The following CHUK variants were observed in gnomAD, a reference collection of about 807,000 sequenced individuals.
CHUK encodes component of inhibitor of nuclear factor kappa B kinase complex.
A neutral mutation model predicts 104.8 loss-of-function variants in CHUK; 35 were observed. The ratio of observed to expected loss-of-function variants is 0.33; its 90% CI spans 0.26 to 0.44. The LOEUF (loss-of-function observed/expected upper bound fraction) is 0.44. Ranked by LOEUF, CHUK falls within the 20% of genes least tolerant of loss-of-function variation. The probability of loss-of-function intolerance (pLI) is 1.00; values close to 1 mark genes in which losing one functional copy is unlikely to be tolerated. For synonymous variants in CHUK, 276 were observed against 291.9 expected (o/e 0.95, Z 0.56); for missense variants, 663 against 902.7 (o/e 0.73, Z 3.40).
At chr10:100,196,285 T>A (rs1263066501) in intron 16 of CHUK, among the ~76,000 whole-genome samples, 1 of 152,120 alleles carries the variant, frequency 6.6e-6, no homozygotes, top group Non-Finnish European at 1.5e-5. Context: ...ATCTGCTCTA[T>A]CAGTTCCTGT....
In CHUK at chr10:100,219,255, CAA is replaced by C. The variant is rs749855441; in HGVS notation, c.564+13_564+14del. 1.3e-6 allele frequency: 2 copies of C among 1,574,258 alleles called. No individual in the cohort carries two copies. Among genetic ancestry groups the C allele is most frequent in the South Asian group, 2.2e-5 (2 of 90,300 alleles). On this transcript the variant is annotated intron_variant, in intron 6 of 20. Coordinates refer to ENST00000370397, the MANE Select transcript of CHUK (RefSeq NM_001278.5). ...CTATACACACTTAAATTCAAAGAAA[CAA>C]AACAGGTCTCACCAGATACTGCAGT...
intron 9 of CHUK, among the ~76,000 whole-genome samples, chr10:100,212,055 G>A (rs866455612): frequency 3.3e-5 from 5 of 151,920 alleles, no homozygotes; most frequent in South Asian, 4.2e-4. Flanking sequence ...GCTAATTTTT[G>A]TAATTTTAGT....
intron 8 of CHUK, 84 bp from the exon 9 acceptor site, chr10:100,218,214 T>C (rs1845904990): frequency 8.0e-7 from 1 of 1,250,390 alleles, no homozygotes; most frequent in South Asian, 1.2e-5. Flanking sequence ...ATTTTGCAGG[T>C]TGTCCATTTT....
chr10:100,209,391 A>G (rs1212581758), intron 10 of CHUK, among the ~76,000 whole-genome samples: 4 of 152,292 alleles, frequency 2.6e-5, no homozygotes, highest in Non-Finnish European at 2.9e-5. Context: ...GGCACCAAAG[A>G]AAAAGTCTTG....
chr10:100,213,534 G>C (rs1845784040), intron 9 of CHUK, among the ~76,000 whole-genome samples: 1 of 151,538 alleles, frequency 6.6e-6, no homozygotes, highest in Non-Finnish European at 1.5e-5. Flanking sequence ...TTGTTTGTTT[G>C]TTTTTGAGAC....
rs747440857 is a variant in CHUK at position 100,229,539 on chromosome 10, G to A, written c.-7C>T. 2 of 1,525,738 alleles carry A rather than the reference G, an allele frequency of 1.3e-6. No individual in the cohort carries two copies. Among genetic ancestry groups the A allele is most frequent in the African/African-American group, 1.4e-5 (1 of 72,734 alleles). The allele number at this position is 1,525,738 out of a possible 1,614,324, so 94.5% of individuals were successfully genotyped here. On this transcript the variant is annotated 5_prime_UTR_variant, in exon 1 of 21. Coordinates refer to ENST00000370397, the MANE Select transcript of CHUK (RefSeq NM_001278.5). ...GCCCCGGGGGCCGCTCCATGGGGCG[G>A]GAGGGCAAGCGGCCTCAGGTTCCAC...
Position 100,211,456 on chromosome 10 carries a change from T to C in CHUK, c.934-1667A>G, listed in dbSNP as rs1845728248. ...CTTTTGCTGCCGTAATTTTTGGACC[T>C]TTTGATAAACATCTCTACATACACC... On this transcript the variant is annotated intron_variant, in intron 9 of 20. Coordinates refer to ENST00000370397, the MANE Select transcript of CHUK (RefSeq NM_001278.5). 3.3e-5 allele frequency among the ~76,000 whole-genome samples: 5 copies of C among 152,208 alleles called. No homozygotes were observed. In the South Asian group the frequency reaches 8.3e-4, roughly 25 times the overall value.
At chr10:100,194,220 A>T (rs1218776052) in intron 17 of CHUK, 89 bp from the exon 18 acceptor site, 7 of 1,409,236 alleles carry the variant, frequency 5.0e-6, no homozygotes, top group Non-Finnish European at 6.0e-6. Flanking sequence ...AATGAACCAC[A>T]ATCAGCATCA....
intron 4 of CHUK, among the ~76,000 whole-genome samples, chr10:100,221,364 G>A (rs1845983174): frequency 6.6e-6 from 1 of 152,056 alleles, no homozygotes; most frequent in South Asian, 2.1e-4. Flanking sequence ...GAACCTGGGA[G>A]GCAGAGGTTA....
Position 100,218,786 on chromosome 10 carries a change from A to C in CHUK, c.729T>G (p.Phe243Leu), listed in dbSNP as rs746334928. 1 of 1,613,990 alleles carries C rather than the reference A, an allele frequency of 6.2e-7. No homozygotes were observed. The highest frequency in any genetic ancestry group is 8.5e-7 in the Non-Finnish European group (1 of 1,179,898). Residue 243 changes from phenylalanine to leucine, a missense_variant, in exon 8 of 21, where the codon TTT becomes TTG. This residue lies in a region of CHUK where 200 missense variants were observed against 333.0 expected (regional missense o/e 0.60). Coordinates refer to ENST00000370397, the MANE Select transcript of CHUK (RefSeq NM_001278.5). Reference protein sequence around the residue: ...KIKKKDPKCIFACEEMSGEVR... With the variant: ...KIKKKDPKCILACEEMSGEVR... ...CTTCTCCTGACATCTCTTCACATGC[A>C]AATATACACTTTGGATCCTTCTTCT...
Position 100,189,125 on chromosome 10 carries a change from A to G in CHUK, c.*473T>C, listed in dbSNP as rs1316924821. On this transcript the variant is annotated 3_prime_UTR_variant, in exon 21 of 21. Coordinates refer to ENST00000370397, the MANE Select transcript of CHUK (RefSeq NM_001278.5). ...GTAGAATTTATTCTTCAAGAAATAG[A>G]ACTTGTGAGCAGCCTTTTTAGAAAA... The G allele has an allele frequency of 2.5e-5, 4 of 158,272 alleles. No individual in the cohort carries two copies. Among genetic ancestry groups the G allele is most frequent in the African/African-American group, 7.2e-5 (3 of 41,504 alleles). 9.8% of individuals were successfully genotyped at this position (158,272 alleles called of 1,614,324 possible).
intron 9 of CHUK, among the ~76,000 whole-genome samples, chr10:100,211,971 C>T (rs765788073): frequency 2.6e-5 from 4 of 151,946 alleles, no homozygotes; most frequent in Non-Finnish European, 5.9e-5. Context: ...CAACTTCCAC[C>T]TCCTGAATTC....
Position 100,220,695 on chromosome 10 carries a change from A to G in CHUK, c.386-19T>C. The G allele has an allele frequency of 6.6e-7, 1 of 1,511,688 alleles. No individual in the cohort carries two copies. Among genetic ancestry groups the G allele is most frequent in the Non-Finnish European group, 9.2e-7 (1 of 1,087,554 alleles). The allele number at this position is 1,511,688 out of a possible 1,614,324, so 93.6% of individuals were successfully genotyped here. A position where few individuals can be genotyped will look rare whatever the true frequency, so the allele number is the denominator to read the frequency against. ...CCAGACCCTAAATAAAGTTTAAAAT[A>G]TACTTTAAAGTAACAGAAATCATTG... is the stretch of plus-strand genomic sequence containing the variant. On this transcript the variant is annotated intron_variant, in intron 4 of 20. Coordinates refer to ENST00000370397, the MANE Select transcript of CHUK (RefSeq NM_001278.5).
At chr10:100,210,792 A>T (rs933369196) in intron 9 of CHUK, among the ~76,000 whole-genome samples, 1 of 152,102 alleles carries the variant, frequency 6.6e-6, no homozygotes, top group Non-Finnish European at 1.5e-5. Flanking sequence ...CCGTTTTATC[A>T]CTCTCACCTA....
rs1218966428 is a variant in CHUK, at chr10:100,194,145, A to G, written c.1827-14T>C. 3.1e-6 allele frequency: 5 copies of G among 1,612,862 alleles called. No homozygotes were observed. The highest frequency in any genetic ancestry group is 4.2e-6 in the Non-Finnish European group (5 of 1,179,860). On this transcript the variant is annotated splice_polypyrimidine_tract_variant and intron_variant, in intron 17 of 20. Coordinates refer to ENST00000370397, the MANE Select transcript of CHUK (RefSeq NM_001278.5). Reference sequence around the variant, plus strand: ...CCCAACAACTTGCTGGAGAGATTAAATCAGTGTCAGACACTTTCACATGCC... The same window carrying G: ...CCCAACAACTTGCTGGAGAGATTAAGTCAGTGTCAGACACTTTCACATGCC...
At chr10:100,191,262 G>A (rs762512949) in intron 19 of CHUK, among the ~76,000 whole-genome samples, 11 of 152,144 alleles carry the variant, frequency 7.2e-5, no homozygotes, top group Admixed American at 1.3e-4. Flanking sequence ...TGTTTTTCCC[G>A]TGAAAATGTA....
At chr10:100,206,411 G>A (rs1845592286) in intron 11 of CHUK, among the ~76,000 whole-genome samples, 1 of 151,924 alleles carries the variant, frequency 6.6e-6, no homozygotes, top group Admixed American at 6.6e-5. Flanking sequence ...ATGCGTGAGT[G>A]AGGGGAGTTA....
At chr10:100,196,499 T>C (rs1012791707) in intron 16 of CHUK, among the ~76,000 whole-genome samples, 1 of 151,578 alleles carries the variant, frequency 6.6e-6, no homozygotes, top group Admixed American at 6.6e-5. Context: ...GCGATCCTGC[T>C]ACTTCAGCCT....
chr10:100,209,673 A>G lies in CHUK; in HGVS notation c.1050T>C (p.Gly350=). ...RIERETGINT[G]SQELLSETGI... ...CTGTCTCTGAAAGAAGTTCTTGAGAACCAGTATTTATTCCAGTTTCACGCT... is the reference window on the plus strand; with the variant it reads ...CTGTCTCTGAAAGAAGTTCTTGAGAGCCAGTATTTATTCCAGTTTCACGCT... Residue 350 remains glycine, a synonymous_variant, in exon 10 of 21, where the codon GGT becomes GGC. Transcript: ENST00000370397. 1 of 1,607,090 alleles carries G rather than the reference A, an allele frequency of 6.2e-7. No homozygotes were observed. Among genetic ancestry groups the G allele is most frequent in the South Asian group, 1.1e-5 (1 of 90,946 alleles).
Sources: gnomAD v4.1 joint callset for allele counts (sites outside exome capture counted in the v4.1 genomes callset) on GRCh38, gnomAD v4.1.1 for gene constraint, gnomAD v4.1.1 regional missense constraint, MANE v1.5 for transcripts, NCBI Gene and HGNC (gene_info 2026-07-23, HGNC 2026-07-21) for gene names.